Variants in SHC4 observed in about 807,000 individuals in gnomAD.
The protein encoded by SHC4 is SHC-transforming protein 4.
In SHC4, 41 loss-of-function variants were observed where a neutral mutation model predicts 69.4. The observed-to-expected ratio is 0.59, with a 90% confidence interval of 0.46 to 0.77. The LOEUF (loss-of-function observed/expected upper bound fraction) is 0.77, where lower values mean the gene tolerates loss of function less well. SHC4 is among the 30% of genes least tolerant of loss of function. The pLI is 0.00. For missense variants in SHC4, 777 were observed against 783.8 expected (o/e 0.99, Z 0.10); for synonymous variants, 318 against 299.3 (o/e 1.06, Z -0.64).
rs753761482 is a variant in SHC4 at position 48,924,867 on chromosome 15, T to G, written c.656+12A>C. On this transcript the variant is annotated intron_variant, in intron 2 of 11. Transcript: ENST00000332408. Reference sequence around the variant, plus strand: ...ATACTCCTCAAAGCCCCTCCCATTTTTGGCTTCTTACCTTGTAACTTGGGT... The same window carrying G: ...ATACTCCTCAAAGCCCCTCCCATTTGTGGCTTCTTACCTTGTAACTTGGGT... 1 of 1,614,078 alleles carries G rather than the reference T, an allele frequency of 6.2e-7. No individual in the cohort carries two copies. Among genetic ancestry groups the G allele is most frequent in the South Asian group, 1.1e-5 (1 of 91,076 alleles).
chr15:48,878,048 G>C, intron 4 of SHC4: 1 of 1,215,548 alleles, frequency 8.2e-7, no homozygotes, highest in Non-Finnish European at 1.1e-6. Flanking sequence ...AGTAGGAGGC[G>C]GTACCTGAGG....
rs1012689964 is a variant in SHC4, at chr15:48,828,097, G to A, written c.1738-1971C>T. Among the ~76,000 whole-genome samples, 19 of 49,978 alleles carry A rather than the reference G, an allele frequency of 3.8e-4. No individual in the cohort carries two copies. The Admixed American group carries it at 4.5e-3, about 12-fold the overall frequency. 32.8% of individuals were successfully genotyped at this position (49,978 alleles called of 152,430 possible). ...AGATCTGTTACATATGTATGTATGT[G>A]TGTGTGTGTGTGTGTGTGTATATAT... On this transcript the variant is annotated intron_variant, in intron 11 of 11. Transcript: ENST00000332408.
At chr15:48,874,476 C>A (rs1483421168) in intron 4 of SHC4, among the ~76,000 whole-genome samples, 1 of 128,352 alleles carries the variant, frequency 7.8e-6, no homozygotes, top group Non-Finnish European at 1.8e-5. Context: ...CTCCCCGTTG[C>A]TCACATTACT....
intron 4 of SHC4, among the ~76,000 whole-genome samples, chr15:48,883,358 T>C (rs569348391): frequency 6.6e-6 from 1 of 152,268 alleles, no homozygotes; most frequent in South Asian, 2.1e-4. Context: ...CCCAGAGTAG[T>C]AGAGTCATTT....
chr15:48,904,972 C>T (rs1236439929), intron 2 of SHC4, among the ~76,000 whole-genome samples: 1 of 150,546 alleles, frequency 6.6e-6, no homozygotes, highest in African/African-American at 2.4e-5. Context: ...CACACACACA[C>T]GGATGGCACC....
intron 2 of SHC4, among the ~76,000 whole-genome samples, chr15:48,896,011 C>A (rs1013352724): frequency 3.8e-4 from 58 of 152,208 alleles, no homozygotes; most frequent in African/African-American, 1.3e-3. Flanking sequence ...TTGCTTGAGC[C>A]TAGGAGTTCA....
chr15:48,958,598 G>A (rs1402648588), intron 1 of SHC4, among the ~76,000 whole-genome samples: 2 of 152,316 alleles, frequency 1.3e-5, no homozygotes, highest in South Asian at 2.1e-4. Context: ...AACACCTCCC[G>A]TGTGAGAAAG....
At chr15:48,885,280 C>T (rs1264206356) in intron 3 of SHC4, among the ~76,000 whole-genome samples, 1 of 152,044 alleles carries the variant, frequency 6.6e-6, no homozygotes, top group African/African-American at 2.4e-5. Context: ...CAACTGATGA[C>T]CTTAGACAAA....
chr15:48,929,693 G>A (rs982209894), intron 1 of SHC4, among the ~76,000 whole-genome samples: 1 of 152,212 alleles, frequency 6.6e-6, no homozygotes, highest in African/African-American at 2.4e-5. Context: ...AGTCCAAACT[G>A]CTCTGGGAAC....
At chr15:48,853,489 A>T (rs1330498467) in intron 8 of SHC4, among the ~76,000 whole-genome samples, 1 of 152,132 alleles carries the variant, frequency 6.6e-6, no homozygotes, top group African/African-American at 2.4e-5. Context: ...ACCCAAAAAC[A>T]GTTGGTTCAT....
At chr15:48,852,209 G>A (rs769329997) in intron 8 of SHC4, among the ~76,000 whole-genome samples, 1 of 152,146 alleles carries the variant, frequency 6.6e-6, no homozygotes, top group Non-Finnish European at 1.5e-5. Flanking sequence ...GTACACAAGT[G>A]GCCTGCCAGA....
chr15:48,956,990 T>G (rs1595770261), intron 1 of SHC4, among the ~76,000 whole-genome samples: 1 of 140,682 alleles, frequency 7.1e-6, no homozygotes. Flanking sequence ...TTTTTTTTTT[T>G]TTTTTGAGAC....
At chr15:48,912,340 G>A (rs534665075) in intron 2 of SHC4, among the ~76,000 whole-genome samples, 2 of 152,248 alleles carry the variant, frequency 1.3e-5, no homozygotes, top group Admixed American at 1.3e-4. Context: ...TTGTCTTCGA[G>A]CTCTGAATTT....
At chr15:48,957,260 G>T (rs1901472307) in intron 1 of SHC4, among the ~76,000 whole-genome samples, 1 of 152,136 alleles carries the variant, frequency 6.6e-6, no homozygotes, top group Non-Finnish European at 1.5e-5. Context: ...TTACAGGCAT[G>T]AGCCACTGTG....
At chr15:48,850,821 C>T (rs1899197362) in intron 9 of SHC4, among the ~76,000 whole-genome samples, 1 of 152,204 alleles carries the variant, frequency 6.6e-6, no homozygotes, top group African/African-American at 2.4e-5. Context: ...CCTAATGGAT[C>T]TGACAGGCAT....
chr15:48,870,214 G>T (rs1485544501), intron 5 of SHC4, among the ~76,000 whole-genome samples: 4 of 152,166 alleles, frequency 2.6e-5, no homozygotes, highest in African/African-American at 9.7e-5. Flanking sequence ...GAAAGTGCTG[G>T]TATTTTTCAG....
intron 1 of SHC4, among the ~76,000 whole-genome samples, chr15:48,957,626 CAAG>C (rs1392200563): frequency 3.3e-5 from 5 of 152,136 alleles, no homozygotes; most frequent in Non-Finnish European, 7.3e-5. Flanking sequence ...GCTTGATACC[CAAG>C]AAGGCCCATG....
intron 1 of SHC4, among the ~76,000 whole-genome samples, chr15:48,942,516 A>G (rs1302917153): frequency 1.3e-5 from 2 of 151,664 alleles, no homozygotes; most frequent in African/African-American, 4.8e-5. Context: ...AGCTAAGGAG[A>G]AAAAAAGGGC....
rs1035399909 is a variant in SHC4, at chr15:48,828,123, A to G, written c.1738-1997T>C. Among the ~76,000 whole-genome samples, 85 of 126,192 alleles carry G rather than the reference A, an allele frequency of 6.7e-4. 2 individuals carry two copies. The South Asian group carries it at 8.0e-3, about 12-fold the overall frequency. 82.8% of individuals were successfully genotyped at this position (126,192 alleles called of 152,430 possible). On this transcript the variant is annotated intron_variant, in intron 11 of 11. Transcript: ENST00000332408. Reference sequence around the variant, plus strand: ...TGTGTGTGTGTGTGTGTGTATATATATATATATATATACATCTGTTATGTA... The same window carrying G: ...TGTGTGTGTGTGTGTGTGTATATATGTATATATATATACATCTGTTATGTA...
Sources: gnomAD v4.1 joint callset for allele counts (sites outside exome capture counted in the v4.1 genomes callset) on GRCh38, gnomAD v4.1.1 for gene constraint, MANE v1.5 for transcripts, NCBI Gene and HGNC (gene_info 2026-07-23, HGNC 2026-07-21) for gene names.